Variants in KCNAB1 observed in about 807,000 individuals in gnomAD.
The protein encoded by KCNAB1 is potassium voltage-gated channel subfamily A regulatory beta subunit 1, also known as voltage-gated potassium channel subunit beta-1.
KCNAB1 carries 35 observed loss-of-function variants against 64.6 expected under a neutral mutation model. The observed-to-expected ratio is 0.54, with a 90% CI of 0.41 to 0.72. KCNAB1 has a LOEUF of 0.72. KCNAB1 is among the 30% of genes least tolerant of loss of function. The pLI is 0.00. For synonymous variants in KCNAB1, 177 were observed against 183.8 expected (o/e 0.96, Z 0.30); for missense variants, 401 against 512.9 (o/e 0.78, Z 2.11).
At chr3:156,125,103 A>G (rs1577608510) in intron 1 of KCNAB1, among the ~76,000 whole-genome samples, 1 of 151,726 alleles carries the variant, frequency 6.6e-6, no homozygotes, top group South Asian at 2.1e-4. Context: ...ACTCCACTGC[A>G]CTCCAGCCTG....
chr3:156,205,749 T>C (rs547138390), intron 1 of KCNAB1, among the ~76,000 whole-genome samples: 1 of 152,310 alleles, frequency 6.6e-6, no homozygotes, highest in East Asian at 1.9e-4. Context: ...CCATTGTCTG[T>C]CCTACATTGA....
chr3:156,297,301 A>G (rs1720861884), intron 1 of KCNAB1, among the ~76,000 whole-genome samples: 1 of 125,824 alleles, frequency 7.9e-6, no homozygotes, highest in South Asian at 2.7e-4. Flanking sequence ...GAGGGTTTGT[A>G]CAGGGAAGTG....
chr3:156,168,766 T>A (rs1255810049), intron 1 of KCNAB1, among the ~76,000 whole-genome samples: 1 of 152,218 alleles, frequency 6.6e-6, no homozygotes, highest in African/African-American at 2.4e-5. Context: ...ACAGCAGAAT[T>A]ACCAAAAACT....
At chr3:156,252,123 A>T (rs1391795609) in intron 1 of KCNAB1, among the ~76,000 whole-genome samples, 3 of 152,204 alleles carry the variant, frequency 2.0e-5, no homozygotes, top group South Asian at 4.1e-4. Flanking sequence ...AGTGAGAAGC[A>T]CCTGGCTCCC....
At chr3:156,353,639 C>G (rs922886779) in intron 1 of KCNAB1, among the ~76,000 whole-genome samples, 3 of 152,188 alleles carry the variant, frequency 2.0e-5, no homozygotes, top group Non-Finnish European at 4.4e-5. Flanking sequence ...GGAAGAGCCA[C>G]TTCCAAGCTC....
intron 13 of KCNAB1, among the ~76,000 whole-genome samples, chr3:156,532,812 C>T (rs142548559): frequency 6.6e-6 from 1 of 152,278 alleles, no homozygotes; most frequent in African/African-American, 2.4e-5. Flanking sequence ...GATAAGGGTA[C>T]ACAGTGATGA....
chr3:156,402,018 G>T (rs1043385201), intron 1 of KCNAB1, among the ~76,000 whole-genome samples: 1 of 152,116 alleles, frequency 6.6e-6, no homozygotes, highest in Non-Finnish European at 1.5e-5. Context: ...GGAGCTGGGG[G>T]AGGGATAGCA....
intron 1 of KCNAB1, among the ~76,000 whole-genome samples, chr3:156,282,665 A>G (rs1168617873): frequency 1.5e-5 from 2 of 134,454 alleles, no homozygotes; most frequent in African/African-American, 5.7e-5. Flanking sequence ...TTGGGTGCAT[A>G]TATATTTAGG....
intron 1 of KCNAB1, among the ~76,000 whole-genome samples, chr3:156,151,858 G>T (rs568403469): frequency 1.3e-5 from 2 of 152,302 alleles, no homozygotes; most frequent in Non-Finnish European, 2.9e-5. Flanking sequence ...AGTTGTACAG[G>T]ATCAGTATTG....
intron 1 of KCNAB1, among the ~76,000 whole-genome samples, chr3:156,196,820 C>CA (rs1267491836): frequency 1.3e-5 from 2 of 152,114 alleles, no homozygotes; most frequent in African/African-American, 4.8e-5. Flanking sequence ...TTGCCCTGGC[C>CA]AGAACTTCCA....
intron 9 of KCNAB1, among the ~76,000 whole-genome samples, 166 bp from the exon 10 acceptor site, chr3:156,514,934 G>T (rs1717455747): frequency 6.6e-6 from 1 of 152,098 alleles, no homozygotes; most frequent in Non-Finnish European, 1.5e-5. Context: ...CTTTCATATT[G>T]CTCTTAGTGA....
In KCNAB1 at chr3:156,515,135, C is replaced by A. The variant is rs1717471320; in HGVS notation, c.780C>A (p.Ile260=). The A allele has an allele frequency of 6.2e-7, 1 of 1,613,276 alleles. No homozygotes were observed. The highest frequency in any genetic ancestry group is 8.5e-7 in the Non-Finnish European group (1 of 1,179,426). Residue 260 remains isoleucine (I), a synonymous_variant, in exon 10 of 14, where the codon ATC becomes ATA. Transcript: ENST00000490337. ...AYSVARQFNM[I]PPVCEQAEYH... ...CTGTAGCAAGACAGTTCAATATGAT[C>A]CCACCGGTCTGTGAACAAGCTGAGT...
At chr3:156,145,087 A>T (rs1714961613) in intron 1 of KCNAB1, among the ~76,000 whole-genome samples, 2 of 151,958 alleles carry the variant, frequency 1.3e-5, no homozygotes, top group African/African-American at 4.8e-5. Flanking sequence ...GTTTTGGGCG[A>T]CTCTTCATGA....
At chr3:156,342,159 G>GT (rs1553849802) in intron 1 of KCNAB1, among the ~76,000 whole-genome samples, 2 of 152,182 alleles carry the variant, frequency 1.3e-5, no homozygotes, top group Admixed American at 6.5e-5. Flanking sequence ...CAAAGAAAGC[G>GT]TGAGTGTGGG....
chr3:156,347,529 A>G (rs1172868025), intron 1 of KCNAB1, among the ~76,000 whole-genome samples: 1 of 152,216 alleles, frequency 6.6e-6, no homozygotes, highest in Non-Finnish European at 1.5e-5. Flanking sequence ...TCAGTTCCAT[A>G]TTATAAAAAA....
chr3:156,415,089 T>C (rs1339681076), intron 1 of KCNAB1, among the ~76,000 whole-genome samples: 2 of 152,190 alleles, frequency 1.3e-5, no homozygotes, highest in African/African-American at 4.8e-5. Flanking sequence ...CTGCAATGTC[T>C]AAGCACAAAT....
At chr3:156,492,503 GCCAAT>G (rs1715703885) in intron 8 of KCNAB1, among the ~76,000 whole-genome samples, 1 of 151,994 alleles carries the variant, frequency 6.6e-6, no homozygotes, top group South Asian at 2.1e-4. Flanking sequence ...GAAGTACCCA[GCCAAT>G]CCTCAGTTGT....
At chr3:156,288,211 G>A (rs899326171) in intron 1 of KCNAB1, among the ~76,000 whole-genome samples, 2 of 152,120 alleles carry the variant, frequency 1.3e-5, no homozygotes, top group Admixed American at 6.5e-5. Context: ...CAGTCACATT[G>A]GGTTAGGGCC....
chr3:156,163,525 A>G (rs1322717169), intron 1 of KCNAB1, among the ~76,000 whole-genome samples: 1 of 152,226 alleles, frequency 6.6e-6, no homozygotes, highest in Non-Finnish European at 1.5e-5. Context: ...AGTAACTTGT[A>G]AATAAAACTC....
Sources: gnomAD v4.1 joint callset for allele counts (sites outside exome capture counted in the v4.1 genomes callset) on GRCh38, gnomAD v4.1.1 for gene constraint, MANE v1.5 for transcripts, NCBI Gene and HGNC (gene_info 2026-07-23, HGNC 2026-07-21) for gene names.